CLDN16: variants seen among roughly 807,000 people sequenced by gnomAD.
The protein encoded by CLDN16 is claudin-16.
CLDN16 carries 13 observed loss-of-function variants against 24.6 expected under a neutral mutation model. That is an observed-to-expected ratio of 0.53 (90% CI 0.34 to 0.84). The LOEUF is 0.84. Among genes scored for constraint, CLDN16 ranks in the 40% least tolerant of loss-of-function variants. The pLI is 0.01. For synonymous variants in CLDN16, 116 were observed against 106.7 expected (o/e 1.09, Z -0.54); for missense variants, 298 against 292.7 (o/e 1.02, Z -0.13).
At chr3:190,321,773 G>A (rs995365985), upstream of CLDN16, among the ~76,000 whole-genome samples, 17 of 152,288 alleles carry the variant, frequency 1.1e-4, no homozygotes, top group South Asian at 1.5e-3. Flanking sequence ...GTGTCACCCA[G>A]GGAGTTAGAG....
At chr3:190,301,223 G>C in the CLDN16 span, among the ~76,000 whole-genome samples, 325 of 152,224 alleles carry the variant, frequency 2.1e-3, 3 homozygotes, top group African/African-American at 7.5e-3. Context: ...GGTTGGGTGC[G>C]GTGACTCATG....
intron 1 of CLDN16, among the ~76,000 whole-genome samples, chr3:190,349,562 C>T (rs756024866): frequency 6.6e-5 from 10 of 152,160 alleles, no homozygotes; most frequent in Non-Finnish European, 1.0e-4. Context: ...CCTGAGTCCA[C>T]ATCATTTTCT....
intron 1 of CLDN16, among the ~76,000 whole-genome samples, chr3:190,362,208 C>T (rs1319173333): frequency 1.3e-5 from 2 of 151,922 alleles, no homozygotes; most frequent in Admixed American, 6.6e-5. Flanking sequence ...TGTGAAAGAA[C>T]GAACCCTGGG....
At chr3:190,308,119 G>A in the CLDN16 span, 4 of 836,630 alleles carry the variant, frequency 4.8e-6, no homozygotes, top group South Asian at 4.4e-5. Flanking sequence ...GTTTAGCACT[G>A]AGTATTTTAA....
At chr3:190,310,585 A>G in the CLDN16 span, among the ~76,000 whole-genome samples, 879 of 152,334 alleles carry the variant, frequency 5.8e-3, 41 homozygotes, top group South Asian at 0.099. Flanking sequence ...ACTAAACTAC[A>G]TTTGATAAAA....
rs144203820 is a variant in CLDN16, at chr3:190,379,975, G to GTCTATCATCTATCTATCTA, written n.306+5378_306+5379insATCTATCTATCTATCTATC. On this transcript the variant is annotated intron_variant and non_coding_transcript_variant, in intron 3 of 4. Transcript: ENST00000468220. ...TGATCTATCTATGTCTATCAACTCT[G>GTCTATCATCTATCTATCTA]TCTATCTATCTATCTATCTATCTAT... Among the ~76,000 whole-genome samples the GTCTATCATCTATCTATCTA allele has an allele frequency of 3.1e-3, 456 of 149,100 alleles. 2 individuals are homozygous for GTCTATCATCTATCTATCTA. The highest frequency in any genetic ancestry group is 0.01 in the African/African-American group (416 of 40,488).
intron 1 of CLDN16, among the ~76,000 whole-genome samples, chr3:190,326,714 C>T (rs1717070089): frequency 6.6e-6 from 1 of 152,026 alleles, no homozygotes; most frequent in Admixed American, 6.6e-5. Flanking sequence ...TAAAACTTCC[C>T]CCATAGATTG....
intron 1 of CLDN16, among the ~76,000 whole-genome samples, chr3:190,364,567 G>A (rs930161938): frequency 4.6e-5 from 7 of 151,864 alleles, no homozygotes; most frequent in African/African-American, 9.7e-5. Context: ...CTCTGCTGCC[G>A]ATGGTATGAC....
In CLDN16 at chr3:190,410,305, G is replaced by A. The variant is rs1311958057; in HGVS notation, c.*269G>A. 1 of 435,988 alleles carries A rather than the reference G, an allele frequency of 2.3e-6. No individual in the cohort carries two copies. 27.0% of individuals were successfully genotyped at this position (435,988 alleles called of 1,614,324 possible). A position where few individuals can be genotyped will look rare whatever the true frequency, so the allele number is the denominator to read the frequency against. ...TGCTAGGATGTAGAAATATTTGTTT[G>A]TGATTTCTATATAGCTATTAGAGAT... is the stretch of plus-strand genomic sequence containing the variant. On this transcript the variant is annotated 3_prime_UTR_variant, in exon 5 of 5. Transcript: ENST00000264734.
At chr3:190,401,226 T>C (rs1265020934) in intron 1 of CLDN16, among the ~76,000 whole-genome samples, 1 of 61,542 alleles carries the variant, frequency 1.6e-5, no homozygotes, top group Non-Finnish European at 3.1e-5. Flanking sequence ...GAGAGTTTCA[T>C]AGTGCATGTA....
intron 1 of CLDN16, among the ~76,000 whole-genome samples, chr3:190,343,210 C>T (rs116397118): frequency 0.039 from 5,951 of 152,096 alleles, 388 homozygotes; most frequent in African/African-American, 0.13. Context: ...TGAAAAAGAG[C>T]TCAACATTAC....
chr3:190,360,823 A>G (rs996476067), intron 1 of CLDN16, among the ~76,000 whole-genome samples: 1 of 151,814 alleles, frequency 6.6e-6, no homozygotes, highest in Non-Finnish European at 1.5e-5. Flanking sequence ...ATATTTAAGA[A>G]TATACATTCT....
At chr3:190,325,598 T>C (rs1204552017) in intron 1 of CLDN16, among the ~76,000 whole-genome samples, 5 of 152,018 alleles carry the variant, frequency 3.3e-5, no homozygotes, top group Non-Finnish European at 7.4e-5. Context: ...GAACCAATAA[T>C]AAGTAGAAGA....
Position 190,411,010 on chromosome 3 carries a change from C to T in CLDN16, c.*974C>T, listed in dbSNP as rs1246414280. ...GGGCACGGTAGCTCGCGTCTGTAATCCCCGCACTTTGGGAGGCCAAGGCGG... is the reference window on the plus strand; with the variant it reads ...GGGCACGGTAGCTCGCGTCTGTAATTCCCGCACTTTGGGAGGCCAAGGCGG... On this transcript the variant is annotated 3_prime_UTR_variant, in exon 5 of 5. Transcript: ENST00000264734. 2 of 152,150 alleles carry T rather than the reference C, an allele frequency of 1.3e-5. No homozygotes were observed. The highest frequency in any genetic ancestry group is 1.5e-5 in the Non-Finnish European group (1 of 68,048). 9.4% of individuals were successfully genotyped at this position (152,150 alleles called of 1,614,324 possible).
the CLDN16 span, among the ~76,000 whole-genome samples, chr3:190,296,644 G>A: frequency 6.6e-6 from 1 of 151,034 alleles, no homozygotes; most frequent in Admixed American, 6.6e-5. Context: ...CTGCCTCCCG[G>A]GTTCACGCCA....
At chr3:190,389,314 T>C (rs1718589895) in intron 1 of CLDN16, among the ~76,000 whole-genome samples, 1 of 152,194 alleles carries the variant, frequency 6.6e-6, no homozygotes, top group Admixed American at 6.5e-5. Context: ...AAAAGGAGTA[T>C]ATAGCAAAAC....
intron 4 of CLDN16, 27 bp from the exon 5 acceptor site, chr3:190,409,876 A>G (rs1341641464): frequency 1.2e-6 from 2 of 1,609,130 alleles, no homozygotes; most frequent in Non-Finnish European, 1.7e-6. Context: ...ACTGAGTTCT[A>G]CTTATTTTTA....
In CLDN16 at chr3:190,377,247, A is replaced by G. The variant is rs556964018; in HGVS notation, n.306+2644A>G. Among the ~76,000 whole-genome samples the G allele has an allele frequency of 2.0e-5, 3 of 152,110 alleles. No individual in the cohort carries two copies. In the East Asian group the frequency reaches 5.8e-4, roughly 30 times the overall value. On this transcript the variant is annotated intron_variant and non_coding_transcript_variant, in intron 3 of 4. Transcript: ENST00000468220. ...TGCATACTTTGCAGTTTTTTCTGCT[A>G]TTGATGAGAATCTTTAAAAAGATAG...
At chr3:190,403,434 C>T (rs531728106) in intron 2 of CLDN16, among the ~76,000 whole-genome samples, 2 of 152,172 alleles carry the variant, frequency 1.3e-5, no homozygotes, top group Non-Finnish European at 2.9e-5. Context: ...ACTGTTGATT[C>T]TCTCAATCCT....
Sources: allele counts gnomAD v4.1 joint callset (sites outside exome capture counted in the v4.1 genomes callset), GRCh38; gene constraint gnomAD v4.1.1; transcripts MANE v1.5; gene names NCBI Gene and HGNC (gene_info 2026-07-23, HGNC 2026-07-21).